Variants in SMYD3 observed in about 807,000 individuals in gnomAD.
SMYD3 encodes the protein histone-lysine N-methyltransferase SMYD3.
SMYD3 carries 36 observed loss-of-function variants against 57.7 expected under a neutral mutation model. That is an observed-to-expected ratio of 0.62 (90% CI 0.48 to 0.82). SMYD3 has a LOEUF of 0.82. SMYD3 is among the 40% of genes least tolerant of loss of function. The pLI, the probability that SMYD3 is intolerant of heterozygous loss-of-function variation, is 0.00. For missense variants in SMYD3, 515 were observed against 538.8 expected (o/e 0.96, Z 0.44); for synonymous variants, 211 against 195.0 (o/e 1.08, Z -0.68).
At chr1:246,442,618 A>G (rs2067487282) in intron 1 of SMYD3, among the ~76,000 whole-genome samples, 1 of 152,142 alleles carries the variant, frequency 6.6e-6, no homozygotes, top group Admixed American at 6.6e-5. Flanking sequence ...TACACAGAAA[A>G]TAAGAAAATG....
At position 245,772,149 on chromosome 1, in the gene SMYD3, G is replaced by T. The variant is rs183303836; in HGVS notation, c.1077-8000C>A. Among the ~76,000 whole-genome samples the T allele has an allele frequency of 6.6e-4, 100 of 152,234 alleles. No individual in the cohort carries two copies. In the East Asian group the frequency reaches 0.019, roughly 29 times the overall value. ...GTTTGGTTTCTGATATGTACTATTG[G>T]CCTCATATCATTAAGATGGATCTGC... On this transcript the variant is annotated intron_variant, in intron 10 of 11. Transcript: ENST00000490107.
At chr1:246,363,985 A>G (rs1326878253) in intron 1 of SMYD3, among the ~76,000 whole-genome samples, 1 of 152,192 alleles carries the variant, frequency 6.6e-6, no homozygotes, top group Non-Finnish European at 1.5e-5. Flanking sequence ...AGAGTCAGAG[A>G]AGTCAATGTG....
intron 5 of SMYD3, among the ~76,000 whole-genome samples, chr1:245,932,286 T>C (rs2056768076): frequency 6.6e-6 from 1 of 152,150 alleles, no homozygotes; most frequent in African/African-American, 2.4e-5. Context: ...TTTCCATCGG[T>C]TTATTTCATG....
intron 5 of SMYD3, among the ~76,000 whole-genome samples, chr1:245,958,383 C>CACAAATCT (rs1490818607): frequency 1.3e-5 from 2 of 152,172 alleles, no homozygotes; most frequent in Non-Finnish European, 2.9e-5. Flanking sequence ...CATCACCGGC[C>CACAAATCT]ACAAATCTCC....
At chr1:246,003,394 C>G (rs1053997119) in intron 5 of SMYD3, among the ~76,000 whole-genome samples, 2 of 152,194 alleles carry the variant, frequency 1.3e-5, no homozygotes, top group Non-Finnish European at 2.9e-5. Context: ...TTCCGTCTTG[C>G]AACAATTCCA....
At chr1:246,414,644 T>C (rs904950013) in intron 1 of SMYD3, among the ~76,000 whole-genome samples, 2 of 151,654 alleles carry the variant, frequency 1.3e-5, no homozygotes, top group African/African-American at 4.8e-5. Flanking sequence ...CAAATACATA[T>C]GTAAAAATAA....
intron 5 of SMYD3, among the ~76,000 whole-genome samples, chr1:246,166,668 GTGTT>G (rs745893370): frequency 6.6e-6 from 1 of 152,158 alleles, no homozygotes; most frequent in African/African-American, 2.4e-5. Context: ...GCCTATCACA[GTGTT>G]TGTTTAACTT....
intron 10 of SMYD3, among the ~76,000 whole-genome samples, chr1:245,776,553 T>A (rs940876829): frequency 6.6e-6 from 1 of 152,234 alleles, no homozygotes; most frequent in Non-Finnish European, 1.5e-5. Context: ...TCATGTGATG[T>A]TGTTGACATA....
chr1:245,943,023 C>CA (rs1454822742), intron 5 of SMYD3, among the ~76,000 whole-genome samples: 3 of 151,864 alleles, frequency 2.0e-5, no homozygotes, highest in African/African-American at 7.3e-5. Flanking sequence ...AAGCCCACAT[C>CA]AAAAAGCTAG....
At chr1:245,840,762 A>C (rs1182472282) in intron 10 of SMYD3, among the ~76,000 whole-genome samples, 1 of 152,086 alleles carries the variant, frequency 6.6e-6, no homozygotes, top group African/African-American at 2.4e-5. Context: ...AAAAAAAAAA[A>C]CAAAGTTGCA....
intron 5 of SMYD3, among the ~76,000 whole-genome samples, chr1:246,057,504 C>T (rs1396967013): frequency 6.6e-6 from 1 of 152,142 alleles, no homozygotes. Flanking sequence ...TGAAAAGATG[C>T]TCCACATCAC....
intron 5 of SMYD3, among the ~76,000 whole-genome samples, chr1:246,001,664 T>C (rs924610695): frequency 1.6e-4 from 24 of 152,206 alleles, no homozygotes; most frequent in African/African-American, 2.9e-4. Flanking sequence ...AGACAGAAAA[T>C]AGTTTAAATG....
chr1:245,908,942 T>C (rs1572656800), intron 8 of SMYD3, among the ~76,000 whole-genome samples: 1 of 151,844 alleles, frequency 6.6e-6, no homozygotes, highest in African/African-American at 2.4e-5. Context: ...TCAAAATTAG[T>C]AGAAGGTAAG....
intron 5 of SMYD3, among the ~76,000 whole-genome samples, chr1:246,211,454 T>C (rs890438135): frequency 1.3e-5 from 2 of 151,986 alleles, no homozygotes; most frequent in African/African-American, 4.8e-5. Flanking sequence ...TATTAACCAA[T>C]AACAACAAAA....
At chr1:245,887,659 AT>A (rs1174352975) in intron 8 of SMYD3, among the ~76,000 whole-genome samples, 6 of 151,942 alleles carry the variant, frequency 3.9e-5, no homozygotes, top group African/African-American at 1.5e-4. Context: ...CTGACCAGGG[AT>A]TTTTTTTCTC....
At chr1:245,904,411 T>G (rs775778576) in intron 8 of SMYD3, among the ~76,000 whole-genome samples, 5 of 152,202 alleles carry the variant, frequency 3.3e-5, no homozygotes, top group Non-Finnish European at 5.9e-5. Flanking sequence ...AATATCTTCA[T>G]AGCAGTGTGA....
intron 5 of SMYD3, among the ~76,000 whole-genome samples, chr1:246,189,700 T>C (rs904364411): frequency 2.6e-5 from 4 of 152,158 alleles, no homozygotes; most frequent in Non-Finnish European, 5.9e-5. Context: ...GACATCTCCA[T>C]GGGCAAAATA....
In SMYD3 at chr1:246,238,278, G is replaced by A. The variant is rs186608518; in HGVS notation, c.531+88923C>T. On this transcript the variant is annotated intron_variant, in intron 5 of 11. Coordinates refer to ENST00000490107, the MANE Select transcript of SMYD3 (RefSeq NM_001167740.2). ...ACTCCTGAGCTCAAGCAATCTGCCC[G>A]CCTGAGCTTCCGAAAGTGCTGTGAT... Among the ~76,000 whole-genome samples the A allele has an allele frequency of 7.2e-5, 11 of 152,172 alleles. No individual in the cohort carries two copies. The East Asian group carries it at 9.7e-4, about 13-fold the overall frequency.
intron 5 of SMYD3, among the ~76,000 whole-genome samples, chr1:246,007,745 A>T (rs1224864949): frequency 2.6e-5 from 4 of 151,006 alleles, no homozygotes; most frequent in African/African-American, 9.7e-5. Flanking sequence ...TGAGCCTGGG[A>T]GGTTGAGGCT....
Sources: allele counts gnomAD v4.1 joint callset (sites outside exome capture counted in the v4.1 genomes callset), GRCh38; gene constraint gnomAD v4.1.1; transcripts MANE v1.5; gene names NCBI Gene and HGNC (gene_info 2026-07-23, HGNC 2026-07-21).